DCLK1: variants seen among roughly 807,000 people sequenced by gnomAD.
DCLK1 encodes doublecortin like kinase 1, also known as serine/threonine-protein kinase DCLK1.
In DCLK1, 16 loss-of-function variants were observed where a neutral mutation model predicts 86.2. That is an observed-to-expected ratio of 0.19 (90% CI 0.13 to 0.28). The LOEUF (loss-of-function observed/expected upper bound fraction) is 0.28. Ranked by LOEUF, DCLK1 falls within the 10% of genes least tolerant of loss-of-function variation. The pLI is 1.00. For missense variants in DCLK1, 590 were observed against 940.2 expected (o/e 0.63, Z 4.87); for synonymous variants, 369 against 370.5 (o/e 1.00, Z 0.05).
chr13:35,920,903 C>G (rs1381263663), intron 4 of DCLK1, among the ~76,000 whole-genome samples: 1 of 151,806 alleles, frequency 6.6e-6, no homozygotes, highest in Non-Finnish European at 1.5e-5. Context: ...TCCTCACTCC[C>G]TGCATTCAGT....
At chr13:35,894,107 G>A (rs1343411656) in intron 4 of DCLK1, among the ~76,000 whole-genome samples, 1 of 151,906 alleles carries the variant, frequency 6.6e-6, no homozygotes, top group African/African-American at 2.4e-5. Context: ...GATATCTCAT[G>A]TATATGCAAA....
At chr13:36,078,576 C>T (rs1884299138) in intron 3 of DCLK1, among the ~76,000 whole-genome samples, 2 of 152,152 alleles carry the variant, frequency 1.3e-5, no homozygotes, top group Admixed American at 1.3e-4. Context: ...ATTGTAGATA[C>T]TGAAACATTT....
At chr13:35,850,135 T>C in intron 6 of DCLK1, 2 of 985,308 alleles carry the variant, frequency 2.0e-6, no homozygotes, top group Non-Finnish European at 2.4e-6. Flanking sequence ...CTCTCGGATG[T>C]ACTAACCCAC....
chr13:35,935,962 T>C (rs1876729212), intron 4 of DCLK1, among the ~76,000 whole-genome samples: 1 of 152,134 alleles, frequency 6.6e-6, no homozygotes, highest in Non-Finnish European at 1.5e-5. Flanking sequence ...GCTAAAGCCA[T>C]TAAAGTAGAT....
intron 3 of DCLK1, among the ~76,000 whole-genome samples, chr13:36,028,039 A>G (rs1882115024): frequency 6.6e-6 from 1 of 152,074 alleles, no homozygotes; most frequent in Non-Finnish European, 1.5e-5. Flanking sequence ...CTAAATACCT[A>G]TATTCTGTTG....
intron 3 of DCLK1, among the ~76,000 whole-genome samples, chr13:36,083,746 T>C (rs763135672): frequency 2.6e-5 from 4 of 152,186 alleles, no homozygotes; most frequent in African/African-American, 4.8e-5. Context: ...AAGACCCACT[T>C]TGTGACATCC....
chr13:35,938,731 A>G (rs1175606477), intron 4 of DCLK1, among the ~76,000 whole-genome samples: 1 of 152,002 alleles, frequency 6.6e-6, no homozygotes, highest in African/African-American at 2.4e-5. Flanking sequence ...CAACTGTTGG[A>G]TGCTGTGGAG....
intron 13 of DCLK1, 51 bp downstream of exon 13, chr13:35,808,967 G>A (rs770500104): frequency 6.5e-7 from 1 of 1,533,316 alleles, no homozygotes; most frequent in Non-Finnish European, 9.0e-7. Context: ...GGATCACTCA[G>A]AGAGTAGAGA....
intron 4 of DCLK1, among the ~76,000 whole-genome samples, chr13:35,920,238 C>T (rs557051423): frequency 4.6e-5 from 7 of 152,330 alleles, no homozygotes; most frequent in South Asian, 2.1e-4. Context: ...TCATCTGTCT[C>T]ACCTTCCACT....
chr13:36,022,128 G>T (rs1881811268), intron 3 of DCLK1, among the ~76,000 whole-genome samples: 1 of 151,906 alleles, frequency 6.6e-6, no homozygotes, highest in South Asian at 2.1e-4. Context: ...GGAAATTTGA[G>T]AAATTTATGA....
chr13:35,880,917 A>C (rs1481249769), intron 4 of DCLK1, among the ~76,000 whole-genome samples: 1 of 152,210 alleles, frequency 6.6e-6, no homozygotes, highest in Admixed American at 6.5e-5. Context: ...ATTTGAATAA[A>C]TCAAAGATGC....
At chr13:35,992,931 C>T (rs778251781) in intron 3 of DCLK1, among the ~76,000 whole-genome samples, 12 of 152,114 alleles carry the variant, frequency 7.9e-5, no homozygotes, top group Admixed American at 6.5e-4. Flanking sequence ...AGTCTCTAAT[C>T]GATTATACAC....
Position 35,799,221 on chromosome 13 carries a change from C to G in DCLK1, c.1945-5742G>C, listed in dbSNP as rs1319559866. Among the ~76,000 whole-genome samples, 4 of 149,878 alleles carry G rather than the reference C, an allele frequency of 2.7e-5. No individual in the cohort carries two copies. In the East Asian group the frequency reaches 7.8e-4, roughly 29 times the overall value. On this transcript the variant is annotated intron_variant, in intron 15 of 16. Transcript: ENST00000360631. ...AGGCATCAGACCTGTATTAGAGGCT[C>G]CAGTGGGCTTCAGGCTTGAGCCTCA...
chr13:36,004,858 G>A (rs979554298), intron 3 of DCLK1, among the ~76,000 whole-genome samples: 3 of 152,180 alleles, frequency 2.0e-5, no homozygotes, highest in African/African-American at 7.2e-5. Flanking sequence ...GATTACAGGC[G>A]TGAGCCACCG....
intron 16 of DCLK1, among the ~76,000 whole-genome samples, 156 bp downstream of exon 16, chr13:35,793,210 T>C (rs1241602878): frequency 2.0e-5 from 3 of 152,132 alleles, no homozygotes. Context: ...ACATAATATA[T>C]ATAAGTCCCA....
At chr13:35,790,006 C>A (rs1009979247) in intron 16 of DCLK1, among the ~76,000 whole-genome samples, 1 of 152,144 alleles carries the variant, frequency 6.6e-6, no homozygotes, top group Admixed American at 6.5e-5. Context: ...AATCCCATGG[C>A]TTGACCTAAT....
rs889103273 is a variant in DCLK1 at position 35,772,860 on chromosome 13, G to T, written c.*1675C>A. ...GTTGAAGAGTAAAAATGCAGCAAGT[G>T]AAGATCAATGTGCATTTGAAAATAA... On this transcript the variant is annotated 3_prime_UTR_variant, in exon 17 of 17. Coordinates refer to ENST00000360631, the MANE Select transcript of DCLK1 (RefSeq NM_001330071.2). 1 of 152,158 alleles carries T rather than the reference G, an allele frequency of 6.6e-6. No homozygotes were observed. The highest frequency in any genetic ancestry group is 1.5e-5 in the Non-Finnish European group (1 of 68,042). The allele number at this position is 152,158 out of a possible 1,614,324, so 9.4% of individuals were successfully genotyped here. A position where few individuals can be genotyped will look rare whatever the true frequency, so the allele number is the denominator to read the frequency against.
At chr13:36,008,368 C>T (rs1450480179) in intron 3 of DCLK1, among the ~76,000 whole-genome samples, 1 of 68,434 alleles carries the variant, frequency 1.5e-5, no homozygotes, top group Non-Finnish European at 2.7e-5. Context: ...TGCTATCCCT[C>T]CCCCCTCCCC....
chr13:35,781,325 T>C (rs2086521080), intron 16 of DCLK1, among the ~76,000 whole-genome samples: 1 of 152,218 alleles, frequency 6.6e-6, no homozygotes, highest in Admixed American at 6.5e-5. Context: ...TCTAACCACA[T>C]CGAGCCCCAA....
Sources: allele counts gnomAD v4.1 joint callset (sites outside exome capture counted in the v4.1 genomes callset), GRCh38; gene constraint gnomAD v4.1.1; transcripts MANE v1.5; gene names NCBI Gene and HGNC (gene_info 2026-07-23, HGNC 2026-07-21).